The following MPV17 variants were observed in gnomAD, a reference collection of about 807,000 sequenced individuals.
MPV17 encodes the protein mitochondrial inner membrane protein MPV17, also known as MPV17, mitochondrial inner membrane protein.
MPV17 carries 31 observed loss-of-function variants against 28.6 expected under a neutral mutation model. The ratio of observed to expected loss-of-function variants is 1.08; its 90% CI spans 0.81 to 1.46. The LOEUF (loss-of-function observed/expected upper bound fraction) is 1.46. Among genes scored for constraint, MPV17 ranks in the 40% most tolerant of loss-of-function variants. The probability of loss-of-function intolerance (pLI) is 0.00; values close to 1 mark genes in which losing one functional copy is unlikely to be tolerated. For missense variants in MPV17, 198 were observed against 216.2 expected, an observed-to-expected ratio of 0.92 and a Z score of 0.53; for synonymous variants, 87 against 85.3, an observed-to-expected ratio of 1.02 and a Z score of -0.11.
chr2:27,311,812 A>T, intron 7 of MPV17, 87 bp downstream of exon 7: 1 of 1,579,878 alleles, frequency 6.3e-7, no homozygotes, highest in Non-Finnish European at 8.6e-7. Flanking sequence ...GGTCTAAGGT[A>T]GCTCAAGGTT....
chr2:27,315,980 T>C, intron 2 of MPV17: 2 of 1,505,436 alleles, frequency 1.3e-6, no homozygotes, highest in Admixed American at 2.2e-5. Flanking sequence ...ATTCCTGGCA[T>C]GGGCTGAGAT....
intron 2 of MPV17, among the ~76,000 whole-genome samples, chr2:27,319,439 C>CT (rs1679773895): frequency 6.9e-6 from 1 of 145,152 alleles, no homozygotes. Flanking sequence ...AGAGGATCCT[C>CT]TGTTGCCCAG....
In MPV17 at chr2:27,309,853, T is replaced by C; in HGVS notation, c.*59A>G. 6.8e-7 allele frequency: 1 copy of C among 1,474,220 alleles called. No individual in the cohort carries two copies. The highest frequency in any genetic ancestry group is 1.1e-5 in the South Asian group (1 of 87,408). 91.3% of individuals were successfully genotyped at this position (1,474,220 alleles called of 1,614,324 possible). A position where few individuals can be genotyped will look rare whatever the true frequency, so the allele number is the denominator to read the frequency against. On this transcript the variant is annotated 3_prime_UTR_variant, in exon 8 of 8. Coordinates refer to ENST00000380044, the MANE Select transcript of MPV17 (RefSeq NM_002437.5). ...GTATGCCCACTTTGAGGAGGTTGTC[T>C]GACCGTTCCAGGGTCAAGCTGCATC...
In MPV17 at chr2:27,312,443, T is replaced by G. The variant is rs142286079; in HGVS notation, c.375+51A>C. ...CCCTGTAAAACCTGTCTTCTTCCCC[T>G]GGGCTGTCAGCCCGCCAGCCAGAGA... On this transcript the variant is annotated intron_variant, in intron 5 of 7. Coordinates refer to ENST00000380044, the MANE Select transcript of MPV17 (RefSeq NM_002437.5). The G allele has an allele frequency of 5.7e-6, 9 of 1,575,796 alleles. No homozygotes were observed. The East Asian group carries it at 6.7e-5, about 12-fold the overall frequency.
chr2:27,313,307 T>G, intron 2 of MPV17, 198 bp from the exon 3 acceptor site: 1 of 1,291,322 alleles, frequency 7.7e-7, no homozygotes. Flanking sequence ...TCATGTGTAT[T>G]CTGTCAGAAA....
chr2:27,309,828 G>C lies in MPV17; in HGVS notation c.*84C>G, dbSNP rs1385329238. ...CGGCAACCCAACCCCGTGGAAACTGGTATGCCCACTTTGAGGAGGTTGTCT... is the reference window on the plus strand; with the variant it reads ...CGGCAACCCAACCCCGTGGAAACTGCTATGCCCACTTTGAGGAGGTTGTCT... On this transcript the variant is annotated 3_prime_UTR_variant, in exon 8 of 8. Coordinates refer to ENST00000380044, the MANE Select transcript of MPV17 (RefSeq NM_002437.5). 5 of 1,153,308 alleles carry C rather than the reference G, an allele frequency of 4.3e-6. No individual in the cohort carries two copies. Among genetic ancestry groups the C allele is most frequent in the Non-Finnish European group, 5.2e-6 (4 of 766,974 alleles). The allele number at this position is 1,153,308 out of a possible 1,614,324, so 71.4% of individuals were successfully genotyped here.
Position 27,312,483 on chromosome 2 carries a change from G to A in MPV17, c.375+11C>T. 5.0e-6 allele frequency: 8 copies of A among 1,613,302 alleles called. No individual in the cohort carries two copies. The highest frequency in any genetic ancestry group is 6.8e-6 in the Non-Finnish European group (8 of 1,179,226). ...CCAGCCAGAGACATTCTCCACACCT[G>A]CCCAGCTCACCCGCTGTAGTTTGGC... On this transcript the variant is annotated intron_variant, in intron 5 of 7. Coordinates refer to ENST00000380044, the MANE Select transcript of MPV17 (RefSeq NM_002437.5).
intron 2 of MPV17, among the ~76,000 whole-genome samples, chr2:27,318,756 T>TCTTTA (rs1679749927): frequency 6.6e-6 from 1 of 151,556 alleles, no homozygotes; most frequent in African/African-American, 2.4e-5. Flanking sequence ...AAAGAGTATT[T>TCTTTA]CTTTTCTTTT....
chr2:27,318,851 G>T (rs1237553247), intron 2 of MPV17, among the ~76,000 whole-genome samples: 2 of 150,708 alleles, frequency 1.3e-5, no homozygotes, highest in Non-Finnish European at 3.0e-5. Context: ...TGCAACCTCC[G>T]CCTCCCAGGC....
intron 2 of MPV17, among the ~76,000 whole-genome samples, chr2:27,319,939 A>G (rs1382674629): frequency 6.6e-6 from 1 of 151,008 alleles, no homozygotes; most frequent in Admixed American, 6.6e-5. Context: ...AAAAAAAAAA[A>G]AAGAAAAAGA....
chr2:27,315,053 T>TG (rs1679600942), intron 2 of MPV17, among the ~76,000 whole-genome samples: 1 of 152,130 alleles, frequency 6.6e-6, no homozygotes, highest in South Asian at 2.1e-4. Context: ...CCCAAAGTGG[T>TG]GGGGGTCTTC....
At chr2:27,311,616 T>C (rs1462493651) in intron 7 of MPV17, 3 of 1,550,428 alleles carry the variant, frequency 1.9e-6, no homozygotes, top group African/African-American at 2.7e-5. Context: ...TCCCTCCAGA[T>C]ATGCCATCAA....
chr2:27,320,525 G>A (rs1014430516), intron 2 of MPV17, among the ~76,000 whole-genome samples: 27 of 151,930 alleles, frequency 1.8e-4, no homozygotes, highest in African/African-American at 5.1e-4. Context: ...TAGTAGAGAC[G>A]GGGTTTCACC....
At chr2:27,316,220 T>C in intron 2 of MPV17, 1 of 1,550,102 alleles carries the variant, frequency 6.5e-7, no homozygotes, top group Non-Finnish European at 8.7e-7. Context: ...GTGTTTTCAC[T>C]CTTCATGACT....
At chr2:27,319,057 G>A (rs536626066) in intron 2 of MPV17, among the ~76,000 whole-genome samples, 7 of 152,194 alleles carry the variant, frequency 4.6e-5, no homozygotes, top group East Asian at 1.9e-4. Flanking sequence ...GAGCCACCAC[G>A]CCCAGACACT....
intron 2 of MPV17, among the ~76,000 whole-genome samples, chr2:27,313,643 A>G (rs1262653787): frequency 2.0e-5 from 3 of 152,204 alleles, no homozygotes; most frequent in Admixed American, 2.0e-4. Context: ...TTCTCCCCCA[A>G]GCCCAATGCA....
At chr2:27,322,597 G>A (rs1558606298) in intron 1 of MPV17, 75 bp from the exon 2 acceptor site, 6 of 1,211,186 alleles carry the variant, frequency 5.0e-6, no homozygotes, top group Non-Finnish European at 6.1e-6. Flanking sequence ...ACATTCCCTT[G>A]TGCCCACTCC....
At position 27,311,881 on chromosome 2, in the gene MPV17, G is replaced by C. The variant is rs754644232; in HGVS notation, c.461+18C>G. On this transcript the variant is annotated intron_variant, in intron 7 of 7. Coordinates refer to ENST00000380044, the MANE Select transcript of MPV17 (RefSeq NM_002437.5). ...AACGTGGGTCTTCCTTGATGGGTGG[G>C]GTAGGGGTGCAACATACCTGTAATG... 6.2e-7 allele frequency: 1 copy of C among 1,612,914 alleles called. No homozygotes were observed. The highest frequency in any genetic ancestry group is 8.5e-7 in the Non-Finnish European group (1 of 1,179,560).
Position 27,322,527 on chromosome 2 carries a change from C to G in MPV17, c.-5-5G>C, listed in dbSNP as rs759860777. ...CCCGCCAGAGTGCCATGCTTCCTGT[C>G]AAGCCAAGAGGAGAGGGGGTCACCC... On this transcript the variant is annotated splice_region_variant and splice_polypyrimidine_tract_variant and intron_variant, in intron 1 of 7. Coordinates refer to ENST00000380044, the MANE Select transcript of MPV17 (RefSeq NM_002437.5). 1.9e-6 allele frequency: 3 copies of G among 1,613,686 alleles called. No individual in the cohort carries two copies. Among genetic ancestry groups the G allele is most frequent in the Non-Finnish European group, 2.5e-6 (3 of 1,179,966 alleles).
Sources: allele counts gnomAD v4.1 joint callset (sites outside exome capture counted in the v4.1 genomes callset), GRCh38; gene constraint gnomAD v4.1.1; transcripts MANE v1.5; gene names NCBI Gene and HGNC (gene_info 2026-07-23, HGNC 2026-07-21).